The following GTF2F2 variants were observed in gnomAD, a reference collection of about 807,000 sequenced individuals.
The protein encoded by GTF2F2 is general transcription factor IIF subunit 2, also known as ATP-dependent helicase GTF2F2.
GTF2F2 carries 23 observed loss-of-function variants against 42.2 expected under a neutral mutation model. The ratio of observed to expected loss-of-function variants is 0.55; its 90% confidence interval spans 0.39 to 0.77. The LOEUF is 0.77. Ranked by LOEUF, GTF2F2 falls within the 30% of genes least tolerant of loss-of-function variation. The pLI, the probability that GTF2F2 is intolerant of heterozygous loss-of-function variation, is 0.00. For missense variants in GTF2F2, 261 were observed against 287.2 expected (o/e 0.91, Z 0.66); for synonymous variants, 105 against 100.8 (o/e 1.04, Z -0.25).
intron 5 of GTF2F2, among the ~76,000 whole-genome samples, chr13:45,239,320 T>C (rs941286322): frequency 6.6e-6 from 1 of 152,206 alleles, no homozygotes; most frequent in Non-Finnish European, 1.5e-5. Context: ...AGTTAAGATA[T>C]TTATATTTTG....
chr13:45,150,210 G>A (rs1431522012), intron 3 of GTF2F2, among the ~76,000 whole-genome samples: 1 of 152,194 alleles, frequency 6.6e-6, no homozygotes, highest in Non-Finnish European at 1.5e-5. Flanking sequence ...ATGCTTGGGA[G>A]ATGAGTAATT....
intron 4 of GTF2F2, among the ~76,000 whole-genome samples, chr13:45,177,287 A>G (rs1871928162): frequency 6.6e-6 from 1 of 152,126 alleles, no homozygotes; most frequent in Admixed American, 6.5e-5. Flanking sequence ...GGTTGATATC[A>G]TCTAGCCTTA....
intron 4 of GTF2F2, among the ~76,000 whole-genome samples, chr13:45,195,593 C>T (rs1872850821): frequency 6.6e-6 from 1 of 152,108 alleles, no homozygotes; most frequent in African/African-American, 2.4e-5. Flanking sequence ...CCTTGTTTTT[C>T]AACTTGGGAG....
rs1869635220 is a variant in GTF2F2 at position 45,136,597 on chromosome 13, T to C, written c.67-136T>C. 4 of 561,400 alleles carry C rather than the reference T, an allele frequency of 7.1e-6. No homozygotes were observed. The African/African-American group carries it at 7.6e-5, about 11-fold the overall frequency. 34.8% of individuals were successfully genotyped at this position (561,400 alleles called of 1,614,324 possible). A position where few individuals can be genotyped will look rare whatever the true frequency, so the allele number is the denominator to read the frequency against. ...TTACGTGTCTTAGTATTTTATATAG[T>C]GTAAAACATACAGTAGTAACTTGAT... is the stretch of plus-strand genomic sequence containing the variant. On this transcript the variant is annotated intron_variant, in intron 1 of 7. Transcript: ENST00000340473.
chr13:45,227,950 G>A (rs377709705), intron 5 of GTF2F2, among the ~76,000 whole-genome samples: 1 of 152,178 alleles, frequency 6.6e-6, no homozygotes, highest in Non-Finnish European at 1.5e-5. Flanking sequence ...AGAAAACAAG[G>A]TGACAAATCC....
chr13:45,267,313 A>C lies in GTF2F2; in HGVS notation c.567A>C (p.Ser189=). 1 of 1,611,190 alleles carries C rather than the reference A, an allele frequency of 6.2e-7. No individual in the cohort carries two copies. The highest frequency in any genetic ancestry group is 8.5e-7 in the Non-Finnish European group (1 of 1,177,458). Residue 189 remains serine (S), a synonymous_variant, in exon 7 of 8, where the codon TCA becomes TCC. Transcript: ENST00000340473. ...DKQHVLDMLF[S]AFEKHQYYNL... is the part of the protein sequence containing the mutation. ...AACATGTTTTAGACATGCTATTTTCAGCCTTTGAGAAACATCAATACTATA... is the reference window on the plus strand; with the variant it reads ...AACATGTTTTAGACATGCTATTTTCCGCCTTTGAGAAACATCAATACTATA...
chr13:45,151,932 T>C (rs1209476955), intron 4 of GTF2F2, 101 bp downstream of exon 4: 6 of 527,372 alleles, frequency 1.1e-5, no homozygotes, highest in African/African-American at 2.1e-5. Flanking sequence ...TTTTTTTTTT[T>C]GCGATGGAGT....
chr13:45,228,721 A>G (rs1593503812), intron 5 of GTF2F2, among the ~76,000 whole-genome samples: 1 of 126,410 alleles, frequency 7.9e-6, no homozygotes. Context: ...CCCAGGCTGG[A>G]GTGCAACGGC....
chr13:45,230,828 G>A (rs953223722), intron 5 of GTF2F2, among the ~76,000 whole-genome samples: 2 of 152,020 alleles, frequency 1.3e-5, no homozygotes, highest in African/African-American at 4.8e-5. Context: ...ATTCCTACAC[G>A]GTGTCAGCTA....
chr13:45,274,878 C>A (rs1876962939), intron 7 of GTF2F2, among the ~76,000 whole-genome samples: 1 of 151,942 alleles, frequency 6.6e-6, no homozygotes, highest in Non-Finnish European at 1.5e-5. Flanking sequence ...TGCCACTGTA[C>A]CCCAGCCTGA....
rs532781136 is a variant in GTF2F2, at chr13:45,151,636, A to G, written c.160-51A>G. The G allele has an allele frequency of 1.6e-4, 192 of 1,167,768 alleles. No homozygotes were observed. The East Asian group carries it at 3.1e-3, about 19-fold the overall frequency. 72.3% of individuals were successfully genotyped at this position (1,167,768 alleles called of 1,614,324 possible). Reference sequence around the variant, plus strand: ...ATTTATAACAAAAATTTATATATATATAGTTTGAATACAGAAGTCTGTTAT... The same window carrying G: ...ATTTATAACAAAAATTTATATATATGTAGTTTGAATACAGAAGTCTGTTAT... On this transcript the variant is annotated intron_variant, in intron 3 of 7. Transcript: ENST00000340473.
intron 7 of GTF2F2, among the ~76,000 whole-genome samples, chr13:45,274,907 G>C (rs796446163): frequency 7.5e-4 from 113 of 151,070 alleles, no homozygotes; most frequent in African/African-American, 2.5e-3. Flanking sequence ...GGGAGACCCT[G>C]TCTCAAAAAA....
At chr13:45,156,159 A>G (rs1190272028) in intron 4 of GTF2F2, among the ~76,000 whole-genome samples, 2 of 152,156 alleles carry the variant, frequency 1.3e-5, no homozygotes, top group African/African-American at 2.4e-5. Flanking sequence ...CATCTGTTCA[A>G]TAGATATTTT....
intron 1 of GTF2F2, among the ~76,000 whole-genome samples, chr13:45,121,039 G>A (rs193128310): frequency 6.6e-5 from 10 of 152,200 alleles, no homozygotes; most frequent in Admixed American, 6.5e-4. Context: ...AGAATTCCTT[G>A]TATCTTCCCT....
chr13:45,191,246 T>A lies in GTF2F2; in HGVS notation c.305-16178T>A, dbSNP rs1278902787. ...AAAAATATATATATATATATATATATATATATATAGCCATAATCTCACATT... is the reference window on the plus strand; with the variant it reads ...AAAAATATATATATATATATATATAAATATATATAGCCATAATCTCACATT... On this transcript the variant is annotated intron_variant, in intron 4 of 7. Transcript: ENST00000340473. 5.1e-5 allele frequency among the ~76,000 whole-genome samples: 7 copies of A among 136,734 alleles called. 1 individual carries two copies. Among genetic ancestry groups the A allele is most frequent in the East Asian group, 2.0e-4 (1 of 4,996 alleles). 89.7% of individuals were successfully genotyped at this position (136,734 alleles called of 152,430 possible).
At chr13:45,193,561 G>A (rs2138172089) in intron 4 of GTF2F2, 2 of 483,806 alleles carry the variant, frequency 4.1e-6, no homozygotes, top group East Asian at 3.1e-5. Context: ...GTATATAGAA[G>A]GTTACTGTTT....
chr13:45,247,999 C>G (rs1875715997), intron 5 of GTF2F2, among the ~76,000 whole-genome samples: 1 of 152,008 alleles, frequency 6.6e-6, no homozygotes, highest in East Asian at 1.9e-4. Context: ...CGTGCATCAC[C>G]ACACCTGGCT....
intron 5 of GTF2F2, among the ~76,000 whole-genome samples, chr13:45,215,998 T>A (rs1873871767): frequency 6.6e-6 from 1 of 152,048 alleles, no homozygotes; most frequent in African/African-American, 2.4e-5. Context: ...ACACTTGTAA[T>A]CCCGGCACTT....
At chr13:45,231,853 A>G (rs760938566) in intron 5 of GTF2F2, among the ~76,000 whole-genome samples, 11 of 152,102 alleles carry the variant, frequency 7.2e-5, no homozygotes, top group African/African-American at 2.7e-4. Context: ...TTAAAGTTTC[A>G]TGGAGTCACT....
Sources: gnomAD v4.1 joint callset for allele counts (sites outside exome capture counted in the v4.1 genomes callset) on GRCh38, gnomAD v4.1.1 for gene constraint, MANE v1.5 for transcripts, NCBI Gene and HGNC (gene_info 2026-07-23, HGNC 2026-07-21) for gene names.